Variants in UBE2Q2 observed in about 807,000 individuals in gnomAD.
The protein encoded by UBE2Q2 is ubiquitin conjugating enzyme E2 Q2.
In UBE2Q2, 54 loss-of-function variants were observed where a neutral mutation model predicts 59.9. The observed-to-expected ratio is 0.90, with a 90% confidence interval of 0.72 to 1.13. The LOEUF is 1.13. UBE2Q2 is among the 50% of genes most tolerant of loss of function. The pLI is 0.00. For missense variants in UBE2Q2, 433 were observed against 441.9 expected, an observed-to-expected ratio of 0.98 and a Z score of 0.18; for synonymous variants, 165 against 155.2, an observed-to-expected ratio of 1.06 and a Z score of -0.47.
intron 9 of UBE2Q2, among the ~76,000 whole-genome samples, chr15:75,885,463 G>C (rs1375013081): frequency 6.6e-6 from 1 of 152,172 alleles, no homozygotes; most frequent in Non-Finnish European, 1.5e-5. Flanking sequence ...GCAAGGTTTT[G>C]GGAAACCAGG....
chr15:75,885,017 T>A lies in UBE2Q2; in HGVS notation c.884+1593T>A, dbSNP rs149988735. Reference sequence around the variant, plus strand: ...TTTGTTTTTAAATATTTCTTAATTTTATTTTTTTCAGTATTGTTTCTTAAG... The same window carrying A: ...TTTGTTTTTAAATATTTCTTAATTTAATTTTTTTCAGTATTGTTTCTTAAG... On this transcript the variant is annotated intron_variant, in intron 9 of 12. Transcript: ENST00000267938. 2.1e-3 allele frequency among the ~76,000 whole-genome samples: 325 copies of A among 152,336 alleles called. 2 individuals carry two copies. The highest frequency in any genetic ancestry group is 6.8e-3 in the Middle Eastern group (2 of 294).
At chr15:75,862,716 A>G (rs1284166177) in intron 3 of UBE2Q2, among the ~76,000 whole-genome samples, 2 of 150,564 alleles carry the variant, frequency 1.3e-5, no homozygotes, top group Non-Finnish European at 3.0e-5. Context: ...TCAAGAGGCT[A>G]AGGCAGGAGG....
chr15:75,849,088 C>G (rs1449705112), intron 1 of UBE2Q2, among the ~76,000 whole-genome samples: 2 of 152,134 alleles, frequency 1.3e-5, no homozygotes, highest in African/African-American at 4.8e-5. Flanking sequence ...AGAATTTTTA[C>G]TCTGCTTTTG....
intron 1 of UBE2Q2, among the ~76,000 whole-genome samples, chr15:75,850,137 T>A (rs1481170315): frequency 6.6e-6 from 1 of 152,208 alleles, no homozygotes; most frequent in Non-Finnish European, 1.5e-5. Context: ...ATGTAGAGTT[T>A]GTGCTGAAGG....
intron 7 of UBE2Q2, 119 bp from the exon 8 acceptor site, chr15:75,878,979 T>C: frequency 1.6e-6 from 1 of 618,076 alleles, no homozygotes; most frequent in Non-Finnish European, 2.7e-6. Flanking sequence ...GACCTTCTCT[T>C]TCTGGAACTT....
In UBE2Q2 at chr15:75,859,549, T is replaced by TA. The variant is rs1271567344; in HGVS notation, c.283-327dup. Among the ~76,000 whole-genome samples the TA allele has an allele frequency of 4.6e-5, 7 of 152,320 alleles. No individual in the cohort carries two copies. In the South Asian group the frequency reaches 8.3e-4, roughly 18 times the overall value. ...TTTTTTGGTAGCCTCATTAATGCAT[T>TA]AATGTTCTCTTGTCTGAAGTTGTAA... On this transcript the variant is annotated intron_variant, in intron 2 of 12. Coordinates refer to ENST00000267938, the MANE Select transcript of UBE2Q2 (RefSeq NM_173469.4).
Position 75,885,352 on chromosome 15 carries a change from G to C in UBE2Q2, c.884+1928G>C, listed in dbSNP as rs930394610. Among the ~76,000 whole-genome samples the C allele has an allele frequency of 3.9e-5, 6 of 152,112 alleles. No homozygotes were observed. The East Asian group carries it at 9.8e-4, about 25-fold the overall frequency. On this transcript the variant is annotated intron_variant, in intron 9 of 12. Transcript: ENST00000267938. ...AGGATGGTCTCTATCTCTTGACCTC[G>C]TGATCCGCCTGCCTCAGCCTCCCAA...
intron 6 of UBE2Q2, among the ~76,000 whole-genome samples, chr15:75,877,236 G>A (rs1413093034): frequency 5.3e-5 from 8 of 150,274 alleles, no homozygotes; most frequent in Admixed American, 1.3e-4. Context: ...AATTCTTAGC[G>A]TGAGCAAATC....
At chr15:75,868,907 A>G (rs776051013) in intron 3 of UBE2Q2, 44 bp from the exon 4 acceptor site, 9 of 1,583,602 alleles carry the variant, frequency 5.7e-6, no homozygotes, top group African/African-American at 2.7e-5. Context: ...CAGCCTGTGC[A>G]TATTTGTTCT....
rs1898697938 is a variant in UBE2Q2 at position 75,885,330 on chromosome 15, A to C, written c.884+1906A>C. Among the ~76,000 whole-genome samples, 5 of 152,026 alleles carry C rather than the reference A, an allele frequency of 3.3e-5. No individual in the cohort carries two copies. The East Asian group carries it at 7.8e-4, about 24-fold the overall frequency. On this transcript the variant is annotated intron_variant, in intron 9 of 12. Coordinates refer to ENST00000267938, the MANE Select transcript of UBE2Q2 (RefSeq NM_173469.4). ...ATGGGGTTTCACCATGTTGGCCAGG[A>C]TGGTCTCTATCTCTTGACCTCGTGA... is the stretch of plus-strand genomic sequence containing the variant.
intron 1 of UBE2Q2, among the ~76,000 whole-genome samples, chr15:75,847,241 T>C (rs1053826981): frequency 4.9e-4 from 75 of 152,334 alleles, no homozygotes; most frequent in African/African-American, 1.4e-3. Flanking sequence ...TGAACAAAAA[T>C]CTTAACTGCC....
chr15:75,843,762 C>A lies in UBE2Q2; in HGVS notation c.96C>A (p.Asp32Glu), dbSNP rs1217239634. 3 of 1,610,534 alleles carry A rather than the reference C, an allele frequency of 1.9e-6. No individual in the cohort carries two copies. Among genetic ancestry groups the A allele is most frequent in the African/African-American group, 1.3e-5 (1 of 74,424 alleles). ...ERFRIVSWKL[D>E]ELHCQFLVPQ... is the part of the protein sequence containing the mutation. ...TCCGCATCGTCAGTTGGAAGCTGGA[C>A]GAGCTGCACTGCCAGTTCCTGGTGC... Residue 32 changes from aspartate (D) to glutamate (E), a missense_variant, in exon 1 of 13, where the codon GAC becomes GAA. Physicochemically the swap from Asp to Glu is conservative, Grantham distance 45. Transcript: ENST00000267938.
intron 3 of UBE2Q2, among the ~76,000 whole-genome samples, chr15:75,866,550 T>G (rs1897490107): frequency 6.6e-6 from 1 of 152,188 alleles, no homozygotes; most frequent in African/African-American, 2.4e-5. Flanking sequence ...TTGTCTCTTT[T>G]GTTTCTTTTT....
At chr15:75,871,180 C>T (rs1401034499) in intron 4 of UBE2Q2, among the ~76,000 whole-genome samples, 1 of 152,244 alleles carries the variant, frequency 6.6e-6, no homozygotes, top group Non-Finnish European at 1.5e-5. Context: ...TATGCATGCA[C>T]ATAAACATCT....
At position 75,851,559 on chromosome 15, in the gene UBE2Q2, A is replaced by G. The variant is rs183527850; in HGVS notation, c.181-2827A>G. Among the ~76,000 whole-genome samples the G allele has an allele frequency of 1.3e-4, 20 of 152,266 alleles. No individual in the cohort carries two copies. In the East Asian group the frequency reaches 3.7e-3, roughly 28 times the overall value. The stretch of plus-strand genomic sequence containing the variant: ...TCTAATTTTTTGTTCAAAAACTTGC[A>G]TTTTATTATTAGCAGTTTTATTATT... On this transcript the variant is annotated intron_variant, in intron 1 of 12. Transcript: ENST00000267938.
intron 2 of UBE2Q2, among the ~76,000 whole-genome samples, chr15:75,856,265 GTGTGTATA>G (rs1019428321): frequency 6.8e-5 from 7 of 103,250 alleles, no homozygotes; most frequent in Non-Finnish European, 1.0e-4. Flanking sequence ...GTGTGTGTGT[GTGTGTATA>G]TATATATATA....
intron 8 of UBE2Q2, among the ~76,000 whole-genome samples, chr15:75,881,120 T>C (rs1898391458): frequency 6.6e-6 from 1 of 152,012 alleles, no homozygotes; most frequent in Non-Finnish European, 1.5e-5. Context: ...GGGGAACGAA[T>C]AAAGCACCCA....
chr15:75,896,939 T>G (rs917887296), intron 11 of UBE2Q2, 56 bp from the exon 12 acceptor site: 1 of 1,146,986 alleles, frequency 8.7e-7, no homozygotes, highest in Non-Finnish European at 1.3e-6. Context: ...ATAAATTTAT[T>G]GTAATAATTT....
At chr15:75,861,164 C>G (rs535345390) in intron 3 of UBE2Q2, among the ~76,000 whole-genome samples, 54 of 152,236 alleles carry the variant, frequency 3.5e-4, no homozygotes, top group Non-Finnish European at 6.2e-4. Flanking sequence ...CCATTTAGAA[C>G]AGTGCCTGGT....
Sources: allele counts gnomAD v4.1 joint callset (sites outside exome capture counted in the v4.1 genomes callset), GRCh38; gene constraint gnomAD v4.1.1; transcripts MANE v1.5; gene names NCBI Gene and HGNC (gene_info 2026-07-23, HGNC 2026-07-21).